The following GPR137B variants were observed in gnomAD, a reference collection of about 807,000 sequenced individuals.
GPR137B encodes G protein-coupled receptor 137B, also known as integral membrane protein GPR137B.
In GPR137B, 42 loss-of-function variants were observed where a neutral mutation model predicts 42.5. The observed-to-expected ratio is 0.99, with a 90% CI of 0.77 to 1.28. GPR137B has a LOEUF of 1.28. GPR137B is among the 50% of genes most tolerant of loss of function. GPR137B has a pLI of 0.00. For missense variants in GPR137B, 487 were observed against 493.9 expected, an observed-to-expected ratio of 0.99 and a Z score of 0.13; for synonymous variants, 218 against 209.7, an observed-to-expected ratio of 1.04 and a Z score of -0.34.
chr1:236,183,291 C>G lies in GPR137B; in HGVS notation c.838-487C>G, dbSNP rs532575801. Among the ~76,000 whole-genome samples, 142 of 152,252 alleles carry G rather than the reference C, an allele frequency of 9.3e-4. 1 individual carries two copies. Among genetic ancestry groups the G allele is most frequent in the Non-Finnish European group, 1.8e-3 (120 of 68,022 alleles). On this transcript the variant is annotated intron_variant, in intron 4 of 6. Transcript: ENST00000366592. ...ACATTTGAAAGTTGACCTCTTTATC[C>G]TAGGGATGAGACTAAGGGATAATAG...
In GPR137B at chr1:236,182,753, T is replaced by A. The variant is rs538959770; in HGVS notation, c.838-1025T>A. On this transcript the variant is annotated intron_variant, in intron 4 of 6. Transcript: ENST00000366592. ...CTGTCTCAAACAAACAAACAAAAAA[T>A]ATATATATAAAATTTATAATTGCAG... Among the ~76,000 whole-genome samples the A allele has an allele frequency of 1.1e-4, 15 of 130,694 alleles. No homozygotes were observed. The East Asian group carries it at 2.8e-3, about 24-fold the overall frequency. The allele number at this position is 130,694 out of a possible 152,430, so 85.7% of individuals were successfully genotyped here.
intron 1 of GPR137B, among the ~76,000 whole-genome samples, chr1:236,160,024 G>T (rs188431762): frequency 9.1e-4 from 138 of 152,340 alleles, no homozygotes; most frequent in Non-Finnish European, 1.6e-3. Context: ...GTCATCCCCA[G>T]ATCTATTCTA....
At chr1:236,174,627 G>A (rs1662631598) in intron 2 of GPR137B, among the ~76,000 whole-genome samples, 1 of 152,206 alleles carries the variant, frequency 6.6e-6, no homozygotes, top group African/African-American at 2.4e-5. Flanking sequence ...ATTACAGTTA[G>A]AGTCTATGAA....
At chr1:236,206,871 G>A (rs1290811694) in intron 6 of GPR137B, among the ~76,000 whole-genome samples, 1 of 152,060 alleles carries the variant, frequency 6.6e-6, no homozygotes, top group African/African-American at 2.4e-5. Context: ...CTGACATAGT[G>A]CCTGCCAAGC....
In GPR137B at chr1:236,171,054, C is replaced by T. The variant is rs1161741995; in HGVS notation, c.464+2299C>T. Among the ~76,000 whole-genome samples, 13 of 151,630 alleles carry T rather than the reference C, an allele frequency of 8.6e-5. No homozygotes were observed. The highest frequency in any genetic ancestry group is 2.9e-4 in the African/African-American group (12 of 41,244). ...GATTGGATGGGACACAAATCTAACA[C>T]GAAATGTATTTATGTTTCAGATACA... On this transcript the variant is annotated intron_variant, in intron 2 of 6. Coordinates refer to ENST00000366592, the MANE Select transcript of GPR137B (RefSeq NM_003272.4). The surrounding 1 kb of genome is among the most constrained non-coding windows in gnomAD (Gnocchi z 4.4).
intron 1 of GPR137B, among the ~76,000 whole-genome samples, chr1:236,143,629 C>T (rs1571952141): frequency 1.3e-5 from 2 of 152,184 alleles, no homozygotes; most frequent in Non-Finnish European, 2.9e-5. Context: ...GCTGGGGTAA[C>T]ACCCAGCTCC....
intron 4 of GPR137B, among the ~76,000 whole-genome samples, chr1:236,181,638 TG>T (rs1048625053): frequency 1.3e-5 from 2 of 152,140 alleles, no homozygotes; most frequent in African/African-American, 4.8e-5. Flanking sequence ...AAAATGATCA[TG>T]ATAAGCTAAA....
chr1:236,143,508 G>C (rs1008831197), intron 1 of GPR137B, among the ~76,000 whole-genome samples: 5 of 152,244 alleles, frequency 3.3e-5, no homozygotes, highest in Non-Finnish European at 5.9e-5. Flanking sequence ...TGTTTTGAGC[G>C]TTGGCAGGGT....
intron 5 of GPR137B, among the ~76,000 whole-genome samples, chr1:236,190,148 CTTTTTTT>C (rs34520510): frequency 3.4e-5 from 4 of 119,400 alleles, no homozygotes; most frequent in South Asian, 5.3e-4. Flanking sequence ...CCTGCTTCTT[CTTTTTTT>C]TTTTTTTTTT....
At position 236,178,617 on chromosome 1, in the gene GPR137B, A is replaced by G; in HGVS notation, c.668A>G (p.Asn223Ser). The G allele has an allele frequency of 6.2e-7, 1 of 1,607,354 alleles. No homozygotes were observed. The highest frequency in any genetic ancestry group is 8.5e-7 in the Non-Finnish European group (1 of 1,175,424). ...LYKISKMSLA[N>S]IYLESKGSSV... ...AAAATCTCTAAGATGTCCTTAGCCA[A>G]CATTTACTTGGAGTCCAAGGTAGGT... The change falls in exon 3 of 7, where the codon AAC (asparagine) becomes AGC (serine). Residue 223 changes from asparagine to serine, a missense_variant. By Grantham distance (46) the Asn-to-Ser change is conservative. Coordinates refer to ENST00000366592, the MANE Select transcript of GPR137B (RefSeq NM_003272.4).
At chr1:236,157,070 A>G (rs1265410709) in intron 1 of GPR137B, among the ~76,000 whole-genome samples, 3 of 152,128 alleles carry the variant, frequency 2.0e-5, no homozygotes, top group East Asian at 3.9e-4. Flanking sequence ...TAATTCACCA[A>G]ATGCTTAGGA....
intron 1 of GPR137B, among the ~76,000 whole-genome samples, chr1:236,149,386 G>A (rs950971213): frequency 2.0e-5 from 3 of 152,266 alleles, no homozygotes; most frequent in Admixed American, 6.5e-5. Context: ...GACAAGTCCC[G>A]TGTTTCAGGC....
At chr1:236,168,933 C>T (rs1419659106) in intron 2 of GPR137B, among the ~76,000 whole-genome samples, 178 bp downstream of exon 2, 1 of 152,200 alleles carries the variant, frequency 6.6e-6, no homozygotes, top group Non-Finnish European at 1.5e-5. Flanking sequence ...AGGGTCAGGT[C>T]ATCAGATCAT....
At chr1:236,161,676 A>G (rs1662207409) in intron 1 of GPR137B, among the ~76,000 whole-genome samples, 1 of 152,082 alleles carries the variant, frequency 6.6e-6, no homozygotes. Context: ...GGTCTTTCCC[A>G]TGCTATTCTT....
chr1:236,208,671 C>A lies in GPR137B; in HGVS notation c.*513C>A. On this transcript the variant is annotated 3_prime_UTR_variant, in exon 7 of 7. Coordinates refer to ENST00000366592, the MANE Select transcript of GPR137B (RefSeq NM_003272.4). ...CCTAAAATACAGTTGACAACTTAGCCAATTGCAACTCCAGTGTTGATAATT... is the reference window on the plus strand; with the variant it reads ...CCTAAAATACAGTTGACAACTTAGCAAATTGCAACTCCAGTGTTGATAATT... 1 of 985,368 alleles carries A rather than the reference C, an allele frequency of 1.0e-6. No homozygotes were observed. The highest frequency in any genetic ancestry group is 1.2e-6 in the Non-Finnish European group (1 of 829,624). 61.0% of individuals were successfully genotyped at this position (985,368 alleles called of 1,614,324 possible). A position where few individuals can be genotyped will look rare whatever the true frequency, so the allele number is the denominator to read the frequency against.
intron 5 of GPR137B, among the ~76,000 whole-genome samples, chr1:236,190,220 T>C (rs1173857860): frequency 6.6e-6 from 1 of 151,166 alleles, no homozygotes; most frequent in Non-Finnish European, 1.5e-5. Context: ...TGAGCCTATG[T>C]ATGTCTTTTC....
At chr1:236,165,821 T>C (rs1662336019) in intron 1 of GPR137B, among the ~76,000 whole-genome samples, 1 of 152,214 alleles carries the variant, frequency 6.6e-6, no homozygotes, top group Admixed American at 6.5e-5. Context: ...CTAAATTTGA[T>C]CACGTGACAT....
In GPR137B at chr1:236,183,681, G is replaced by T. The variant is rs574799349; in HGVS notation, c.838-97G>T. On this transcript the variant is annotated intron_variant, in intron 4 of 6. Coordinates refer to ENST00000366592, the MANE Select transcript of GPR137B (RefSeq NM_003272.4). ...AAATATAGGGGAATGAATTGTACTA[G>T]AGTATTAGAATTATTCTCTGTTCAC... 74 of 786,598 alleles carry T rather than the reference G, an allele frequency of 9.4e-5. No homozygotes were observed. In the African/African-American group the frequency reaches 1.2e-3, roughly 13 times the overall value. 48.7% of individuals were successfully genotyped at this position (786,598 alleles called of 1,614,324 possible).
At chr1:236,163,631 C>A (rs1251985448) in intron 1 of GPR137B, among the ~76,000 whole-genome samples, 8 of 152,156 alleles carry the variant, frequency 5.3e-5, no homozygotes, top group Non-Finnish European at 8.8e-5. Context: ...CTCAGGAGAT[C>A]TGATGGGTTT....
Sources: gnomAD v4.1 joint callset for allele counts (sites outside exome capture counted in the v4.1 genomes callset) on GRCh38, gnomAD v4.1.1 for gene constraint, Gnocchi (gnomAD v3.1) non-coding constraint, MANE v1.5 for transcripts, NCBI Gene and HGNC (gene_info 2026-07-23, HGNC 2026-07-21) for gene names.